CDH17: variants seen among roughly 807,000 people sequenced by gnomAD.
CDH17 encodes cadherin-17.
A neutral mutation model predicts 86.3 loss-of-function variants in CDH17; 67 were observed. The observed-to-expected ratio is 0.78, with a 90% CI of 0.64 to 0.95. The LOEUF (loss-of-function observed/expected upper bound fraction) is 0.95, where lower values mean the gene tolerates loss of function less well. Among genes scored for constraint, CDH17 ranks in the 40% least tolerant of loss-of-function variants. The pLI, the probability that CDH17 is intolerant of heterozygous loss-of-function variation, is 0.00. For missense variants in CDH17, 993 were observed against 1,017.6 expected (o/e 0.98, Z 0.33); for synonymous variants, 367 against 366.4 (o/e 1.00, Z -0.02).
intron 7 of CDH17, among the ~76,000 whole-genome samples, chr8:94,171,709 G>C (rs376636506): frequency 1.3e-5 from 2 of 152,056 alleles, no homozygotes; most frequent in Non-Finnish European, 1.5e-5. Context: ...GTCCTCTGAC[G>C]TACAGACTAC....
At chr8:94,169,468 C>T (rs1813226687) in intron 9 of CDH17, among the ~76,000 whole-genome samples, 1 of 152,186 alleles carries the variant, frequency 6.6e-6, no homozygotes, top group Non-Finnish European at 1.5e-5. Flanking sequence ...ACCAAGCCTC[C>T]GGGAAGGCAC....
Position 94,128,313 on chromosome 8 carries a change from C to A in CDH17, c.2426G>T (p.Arg809Leu). The A allele has an allele frequency of 1.2e-6, 2 of 1,611,078 alleles. No homozygotes were observed. The highest frequency in any genetic ancestry group is 1.1e-5 in the South Asian group (1 of 90,960). ...ATCTTTGCCTTTATCCTTCTTTATG[C>A]GGATAAACACAACTGCTAAAATTAT... ...IGIILAVVFI[R>L]IKKDKGKDNV... Residue 809 changes from arginine (R) to leucine (L), a missense_variant, in exon 18 of 18, where the codon CGC (arginine) becomes CTC (leucine). Transcript: ENST00000027335.
chr8:94,142,915 A>G (rs575328942), intron 15 of CDH17, among the ~76,000 whole-genome samples: 185 of 152,176 alleles, frequency 1.2e-3, no homozygotes, highest in African/African-American at 4.3e-3. Context: ...GAAGTCTTGA[A>G]CCCCTCAAAG....
chr8:94,128,187 G>T lies in CDH17; in HGVS notation c.*53C>A. 1 of 1,088,354 alleles carries T rather than the reference G, an allele frequency of 9.2e-7. No individual in the cohort carries two copies. The highest frequency in any genetic ancestry group is 1.3e-5 in the South Asian group (1 of 78,800). 67.4% of individuals were successfully genotyped at this position (1,088,354 alleles called of 1,614,324 possible). On this transcript the variant is annotated 3_prime_UTR_variant, in exon 18 of 18. Transcript: ENST00000027335. Reference sequence around the variant, plus strand: ...TAGATGAAAAGTAATAGGATGAGATGGTTGTTGCTGAAATAGCACTTGCTA... The same window carrying T: ...TAGATGAAAAGTAATAGGATGAGATTGTTGTTGCTGAAATAGCACTTGCTA...
At chr8:94,215,365 A>T (rs1746263576) in intron 1 of CDH17, among the ~76,000 whole-genome samples, 1 of 152,228 alleles carries the variant, frequency 6.6e-6, no homozygotes, top group South Asian at 2.1e-4. Context: ...TGAAAACATT[A>T]TGCTTAGTGA....
intron 1 of CDH17, among the ~76,000 whole-genome samples, chr8:94,197,069 A>AC (rs1167612939): frequency 3.3e-5 from 5 of 152,054 alleles, no homozygotes; most frequent in Middle Eastern, 3.4e-3. Flanking sequence ...CCACTCGGGC[A>AC]CCCCCCTCTA....
intron 4 of CDH17, among the ~76,000 whole-genome samples, chr8:94,177,075 G>T (rs988616966): frequency 2.0e-5 from 3 of 152,140 alleles, no homozygotes; most frequent in African/African-American, 7.2e-5. Context: ...TTCCATAGTA[G>T]GCTCTCTGAC....
upstream of CDH17, among the ~76,000 whole-genome samples, chr8:94,209,215 T>C (rs1187180406): frequency 6.6e-6 from 1 of 152,092 alleles, no homozygotes; most frequent in Admixed American, 6.5e-5. Flanking sequence ...CCAATCAAAA[T>C]GAGGTTTTTG....
intron 2 of CDH17, among the ~76,000 whole-genome samples, chr8:94,190,008 A>G (rs994185349): frequency 3.3e-5 from 5 of 151,604 alleles, no homozygotes; most frequent in African/African-American, 1.2e-4. Context: ...GGCTCTGCAG[A>G]CACCCAAGTC....
At chr8:94,186,212 C>T (rs1031789489) in intron 3 of CDH17, among the ~76,000 whole-genome samples, 10 of 152,148 alleles carry the variant, frequency 6.6e-5, no homozygotes, top group Non-Finnish European at 1.3e-4. Flanking sequence ...ATCAATAAGC[C>T]TAAAACTCAT....
chr8:94,128,900 G>A lies in CDH17; in HGVS notation c.2399-560C>T, dbSNP rs901677473. 2.0e-5 allele frequency among the ~76,000 whole-genome samples: 3 copies of A among 152,136 alleles called. No individual in the cohort carries two copies. The East Asian group carries it at 5.8e-4, about 29-fold the overall frequency. On this transcript the variant is annotated intron_variant, in intron 17 of 17. Transcript: ENST00000027335. ...CTGGGTAGACTACTTAACCTTCTTG[G>A]TTTCTCCCACCTGATACATCAAAAT... is the stretch of plus-strand genomic sequence containing the variant.
chr8:94,208,569 CG>C (rs1554591741), upstream of CDH17: 6 of 152,196 alleles, frequency 3.9e-5, no homozygotes, highest in Non-Finnish European at 8.8e-5. Context: ...GTATCTCCCC[CG>C]GGAACACTCC....
At chr8:94,187,779 C>A (rs1295711993) in intron 3 of CDH17, among the ~76,000 whole-genome samples, 1 of 152,116 alleles carries the variant, frequency 6.6e-6, no homozygotes, top group African/African-American at 2.4e-5. Context: ...GGGCAGCCAT[C>A]CCTGCCGGGC....
At chr8:94,149,277 T>C (rs1057358851) in intron 13 of CDH17, among the ~76,000 whole-genome samples, 1 of 152,094 alleles carries the variant, frequency 6.6e-6, no homozygotes, top group East Asian at 1.9e-4. Context: ...CCTAGAAAAT[T>C]TGAACACCCA....
chr8:94,184,197 CT>C (rs1813533601), intron 3 of CDH17, among the ~76,000 whole-genome samples: 1 of 147,716 alleles, frequency 6.8e-6, no homozygotes, highest in Non-Finnish European at 1.5e-5. Flanking sequence ...CCCAGCAGTC[CT>C]GCTACTGAGT....
At chr8:94,147,684 T>C (rs967161067) in intron 14 of CDH17, among the ~76,000 whole-genome samples, 2 of 152,236 alleles carry the variant, frequency 1.3e-5, no homozygotes, top group Non-Finnish European at 2.9e-5. Flanking sequence ...CCAGGCTTAT[T>C]ATTGGGTAAA....
intron 1 of CDH17, among the ~76,000 whole-genome samples, chr8:94,198,714 A>C (rs1426794961): frequency 6.6e-6 from 1 of 152,106 alleles, no homozygotes; most frequent in Non-Finnish European, 1.5e-5. Flanking sequence ...TCTGGCAGCC[A>C]AGCTCTCACC....
chr8:94,128,434 A>T (rs1563560960), intron 17 of CDH17, 94 bp from the exon 18 acceptor site: 7 of 761,922 alleles, frequency 9.2e-6, no homozygotes, highest in African/African-American at 3.5e-5. Context: ...GAAAAAAATG[A>T]CTCAACTTCA....
At chr8:94,136,665 A>G (rs903450246) in intron 15 of CDH17, among the ~76,000 whole-genome samples, 1 of 152,182 alleles carries the variant, frequency 6.6e-6, no homozygotes, top group Non-Finnish European at 1.5e-5. Context: ...GTCATTCTCC[A>G]TCCAGCTTTG....
Sources: gnomAD v4.1 joint callset for allele counts (sites outside exome capture counted in the v4.1 genomes callset) on GRCh38, gnomAD v4.1.1 for gene constraint, MANE v1.5 for transcripts, NCBI Gene and HGNC (gene_info 2026-07-23, HGNC 2026-07-21) for gene names.